Variants in PLEKHM2 observed in about 807,000 individuals in gnomAD.
The protein encoded by PLEKHM2 is pleckstrin homology domain-containing family M member 2.
A neutral mutation model predicts 116.3 loss-of-function variants in PLEKHM2; 77 were observed. The ratio of observed to expected loss-of-function variants is 0.66; its 90% CI spans 0.55 to 0.80. PLEKHM2 has a LOEUF of 0.80. Ranked by LOEUF, PLEKHM2 falls within the 30% of genes least tolerant of loss-of-function variation. The pLI, the probability that PLEKHM2 is intolerant of heterozygous loss-of-function variation, is 0.00. For synonymous variants in PLEKHM2, 562 were observed against 571.0 expected (o/e 0.98, Z 0.22); for missense variants, 1,183 against 1,354.9 (o/e 0.87, Z 1.99).
intron 1 of PLEKHM2, among the ~76,000 whole-genome samples, chr1:15,702,845 C>T (rs572056624): frequency 4.1e-5 from 6 of 145,728 alleles, no homozygotes; most frequent in East Asian, 2.1e-4. Context: ...CTTAGCCTTC[C>T]GAGTAACTGG....
chr1:15,709,038 A>G (rs572197099), intron 1 of PLEKHM2, among the ~76,000 whole-genome samples: 2 of 152,296 alleles, frequency 1.3e-5, no homozygotes, highest in African/African-American at 4.8e-5. Flanking sequence ...GAGGTTAGGT[A>G]ACTTGCCCAA....
chr1:15,686,436 G>A (rs1342509383), intron 1 of PLEKHM2, among the ~76,000 whole-genome samples: 1 of 152,084 alleles, frequency 6.6e-6, no homozygotes, highest in African/African-American at 2.4e-5. Flanking sequence ...CTGTAAAGCA[G>A]GGATAAAATT....
At chr1:15,732,153 A>G (rs1369664512) in intron 17 of PLEKHM2, 105 bp downstream of exon 17, 4 of 1,158,814 alleles carry the variant, frequency 3.5e-6, no homozygotes, top group Non-Finnish European at 4.9e-6. Context: ...GAGGGCCAAG[A>G]CGGACCTCCA....
intron 1 of PLEKHM2, among the ~76,000 whole-genome samples, chr1:15,707,015 C>T (rs10927833): frequency 0.037 from 5,655 of 152,024 alleles, 361 homozygotes; most frequent in African/African-American, 0.13. Context: ...GGCTCCAGAC[C>T]GAGGGCCAGC....
rs779490134 is a variant in PLEKHM2 at position 15,728,262 on chromosome 1, C to G, written c.1831-5C>G. On this transcript the variant is annotated splice_region_variant and splice_polypyrimidine_tract_variant and intron_variant, in intron 10 of 19. Coordinates refer to ENST00000375799, the MANE Select transcript of PLEKHM2 (RefSeq NM_015164.4). The surrounding 1 kb of genome is among the most constrained non-coding windows in gnomAD (Gnocchi z 5.9). ...TGCCTGACCCTTGTCTGCTTCGGCC[C>G]CCAGATGATCCGGATGAGCACCGGG... 2 of 1,613,240 alleles carry G rather than the reference C, an allele frequency of 1.2e-6. No individual in the cohort carries two copies. The highest frequency in any genetic ancestry group is 3.3e-5 in the Admixed American group (2 of 60,004).
chr1:15,724,756 A>T (rs990778816), intron 7 of PLEKHM2, among the ~76,000 whole-genome samples: 3 of 151,722 alleles, frequency 2.0e-5, no homozygotes, highest in Non-Finnish European at 4.4e-5. Context: ...CCCACTCTGC[A>T]CCCCTCACTT....
intron 1 of PLEKHM2, among the ~76,000 whole-genome samples, chr1:15,709,006 A>G (rs115972512): frequency 0.024 from 3,696 of 152,314 alleles, 146 homozygotes; most frequent in African/African-American, 0.085. Flanking sequence ...CCCATTTTAC[A>G]GACAAGGAAA....
intron 1 of PLEKHM2, 100 bp downstream of exon 1, chr1:15,684,718 C>A: frequency 5.5e-6 from 2 of 362,660 alleles, no homozygotes; most frequent in Non-Finnish European, 7.5e-6. Context: ...CCCTTCCCCT[C>A]CGCGACCCGG....
rs867582918 is a variant in PLEKHM2, at chr1:15,718,593, G to A, written c.433G>A (p.Gly145Arg). 4 of 1,577,564 alleles carry A rather than the reference G, an allele frequency of 2.5e-6. No individual in the cohort carries two copies. The highest frequency in any genetic ancestry group is 3.4e-6 in the Non-Finnish European group (4 of 1,160,042). The change falls in exon 5 of 20, where the codon GGG becomes AGG. Residue 145 changes from glycine to arginine, a missense_variant. This residue lies in a region of PLEKHM2 where 217 missense variants were observed against 277.6 expected (regional missense o/e 0.78). Transcript: ENST00000375799. ...GACGCTCTTCCTGACCTTGGTGTCC[G>A]GGCTAGAGTTCATTCGTTTCGAGCT... Reference protein sequence around the residue: ...HLTLFLTLVSGLEFIRFELDL... With the variant: ...HLTLFLTLVSRLEFIRFELDL...
In PLEKHM2 at chr1:15,732,185, C is replaced by T; in HGVS notation, c.2625+137C>T. On this transcript the variant is annotated intron_variant, in intron 17 of 19. Coordinates refer to ENST00000375799, the MANE Select transcript of PLEKHM2 (RefSeq NM_015164.4). The stretch of plus-strand genomic sequence containing the variant: ...TCCAGGGGGCAGCCCAGGAATGGAC[C>T]CTGGAGCTCAGAGGCATCACCCCCA... The T allele has an allele frequency of 3.1e-6, 3 of 962,558 alleles. No homozygotes were observed. In the Admixed American group the frequency reaches 7.3e-5, roughly 24 times the overall value. The allele number at this position is 962,558 out of a possible 1,614,324, so 59.6% of individuals were successfully genotyped here.
At chr1:15,689,289 G>A (rs7546138) in intron 1 of PLEKHM2, among the ~76,000 whole-genome samples, 23,934 of 150,748 alleles carry the variant, frequency 0.16, 3,555 homozygotes, top group African/African-American at 0.4. Flanking sequence ...GTAGAGTTCA[G>A]AGAAAGAGAA....
At chr1:15,710,588 A>G (rs1571042623) in intron 1 of PLEKHM2, among the ~76,000 whole-genome samples, 1 of 152,134 alleles carries the variant, frequency 6.6e-6, no homozygotes, top group East Asian at 2.0e-4. Flanking sequence ...TGGCCTCCCA[A>G]GGTGCTGGGA....
chr1:15,717,951 G>A lies in PLEKHM2; in HGVS notation c.336G>A (p.Leu112=), dbSNP rs1386448857. The change falls in exon 4 of 20, where the codon TTG becomes TTA. Residue 112 remains leucine, a synonymous_variant. Coordinates refer to ENST00000375799, the MANE Select transcript of PLEKHM2 (RefSeq NM_015164.4). ...ACTCCTTGGAGAGCTACCTGCGGTT[G>A]TTCCAGGAGAACCTGGGCCTGCTGC... is the stretch of plus-strand genomic sequence containing the variant. ...NENSLESYLR[L]FQENLGLLHK... 2 of 1,600,142 alleles carry A rather than the reference G, an allele frequency of 1.2e-6. No individual in the cohort carries two copies. The highest frequency in any genetic ancestry group is 1.7e-6 in the Non-Finnish European group (2 of 1,173,230).
chr1:15,694,248 C>T (rs1457923466), intron 1 of PLEKHM2, among the ~76,000 whole-genome samples: 3 of 152,008 alleles, frequency 2.0e-5, no homozygotes, highest in Non-Finnish European at 4.4e-5. Context: ...TCTCAGGAGG[C>T]TGAGGCAGGA....
chr1:15,729,719 G>A lies in PLEKHM2; in HGVS notation c.2076-78G>A. The A allele has an allele frequency of 7.5e-7, 1 of 1,333,042 alleles. No individual in the cohort carries two copies. The highest frequency in any genetic ancestry group is 1.0e-6 in the Non-Finnish European group (1 of 968,784). 82.6% of individuals were successfully genotyped at this position (1,333,042 alleles called of 1,614,324 possible). On this transcript the variant is annotated intron_variant, in intron 13 of 19. Transcript: ENST00000375799. The surrounding 1 kb of genome is among the most constrained non-coding windows in gnomAD (Gnocchi z 4.7). ...AAGTTTCTGTGACCCCTCCAGGCCA[G>A]CAGCGCTCAAGACTAAGCCCTGTCC...
chr1:15,733,761 G>T (rs1403316442), intron 19 of PLEKHM2, 36 bp from the exon 20 acceptor site: 2 of 1,603,740 alleles, frequency 1.2e-6, no homozygotes, highest in Non-Finnish European at 8.5e-7. Context: ...GTGGCCCTCA[G>T]TGGCCCTCAT....
intron 1 of PLEKHM2, among the ~76,000 whole-genome samples, chr1:15,692,500 A>C (rs1346757670): frequency 3.9e-5 from 6 of 152,232 alleles, no homozygotes; most frequent in Admixed American, 2.0e-4. Flanking sequence ...TGTCGTGCAC[A>C]GAGGGATCCT....
chr1:15,695,883 C>T (rs1215809780), intron 1 of PLEKHM2, among the ~76,000 whole-genome samples: 1 of 144,834 alleles, frequency 6.9e-6, no homozygotes, highest in East Asian at 1.9e-4. Flanking sequence ...CTCACTGCAG[C>T]CTCGACCTCC....
intron 4 of PLEKHM2, 46 bp from the exon 5 acceptor site, chr1:15,718,492 G>C (rs368723707): frequency 4.3e-6 from 5 of 1,161,498 alleles, no homozygotes; most frequent in Non-Finnish European, 6.3e-6. Context: ...AGGCCAGGCT[G>C]GTAAACAGAC....
Sources: allele counts gnomAD v4.1 joint callset (sites outside exome capture counted in the v4.1 genomes callset), GRCh38; gene constraint gnomAD v4.1.1; regional missense constraint gnomAD v4.1.1; non-coding constraint Gnocchi (gnomAD v3.1); transcripts MANE v1.5; gene names NCBI Gene and HGNC (gene_info 2026-07-23, HGNC 2026-07-21).